PANX1: variants seen among roughly 807,000 people sequenced by gnomAD.
PANX1 encodes the protein pannexin 1.
PANX1 carries 30 observed loss-of-function variants against 38.7 expected under a neutral mutation model. That is an observed-to-expected ratio of 0.78 (90% confidence interval 0.58 to 1.05). PANX1 has a LOEUF of 1.05. PANX1 is among the 50% of genes least tolerant of loss of function. PANX1 has a pLI of 0.00. For missense variants in PANX1, 551 were observed against 517.2 expected, an observed-to-expected ratio of 1.07 and a Z score of -0.63; for synonymous variants, 230 against 212.2, an observed-to-expected ratio of 1.08 and a Z score of -0.73.
chr11:94,181,079 A>G lies in PANX1; in HGVS notation c.*210A>G. On this transcript the variant is annotated 3_prime_UTR_variant, in exon 5 of 5. Coordinates refer to ENST00000227638, the MANE Select transcript of PANX1 (RefSeq NM_015368.4). Reference sequence around the variant, plus strand: ...GAACTTCCCATAGGAAGCACCTGAGAGATAGTAAACTGCAGCAAGTAACTA... The same window carrying G: ...GAACTTCCCATAGGAAGCACCTGAGGGATAGTAAACTGCAGCAAGTAACTA... 1.8e-6 allele frequency: 1 copy of G among 554,258 alleles called. No individual in the cohort carries two copies. 34.3% of individuals were successfully genotyped at this position (554,258 alleles called of 1,614,324 possible). A position where few individuals can be genotyped will look rare whatever the true frequency, so the allele number is the denominator to read the frequency against.
chr11:94,156,203 A>AC (rs781633859), intron 2 of PANX1, among the ~76,000 whole-genome samples: 1 of 152,206 alleles, frequency 6.6e-6, no homozygotes, highest in Non-Finnish European at 1.5e-5. Flanking sequence ...CCAGTTACTG[A>AC]CCAACACATC....
chr11:94,158,463 C>T (rs1354482582), intron 2 of PANX1, among the ~76,000 whole-genome samples: 1 of 152,080 alleles, frequency 6.6e-6, no homozygotes, highest in Non-Finnish European at 1.5e-5. Context: ...AGGTCCTTCA[C>T]ATCCCTTGTA....
intron 1 of PANX1, among the ~76,000 whole-genome samples, chr11:94,139,444 C>T (rs1238806302): frequency 6.6e-6 from 1 of 152,154 alleles, no homozygotes; most frequent in Admixed American, 6.5e-5. Flanking sequence ...ACTATTGGAC[C>T]TTTTAAAATA....
intron 2 of PANX1, among the ~76,000 whole-genome samples, chr11:94,165,150 G>A (rs1252527732): frequency 6.6e-6 from 1 of 152,044 alleles, no homozygotes; most frequent in African/African-American, 2.4e-5. Context: ...CTTGATTGAA[G>A]AATTTAGTTC....
chr11:94,154,811 A>T (rs1487564732), intron 2 of PANX1, among the ~76,000 whole-genome samples: 1 of 152,258 alleles, frequency 6.6e-6, no homozygotes. Context: ...CAATTAACAC[A>T]TATTTTATAT....
intron 2 of PANX1, among the ~76,000 whole-genome samples, chr11:94,167,499 C>A (rs1947116161): frequency 6.6e-6 from 1 of 152,112 alleles, no homozygotes; most frequent in African/African-American, 2.4e-5. Context: ...ATATGATATT[C>A]AGCACTCACT....
chr11:94,150,833 C>A (rs570144966), intron 1 of PANX1, among the ~76,000 whole-genome samples: 1 of 152,246 alleles, frequency 6.6e-6, no homozygotes, highest in Admixed American at 6.5e-5. Flanking sequence ...AGGAAGCTGT[C>A]CCCTTCCTGG....
chr11:94,129,202 A>G lies in PANX1; in HGVS notation c.-111A>G. On this transcript the variant is annotated 5_prime_UTR_variant, in exon 1 of 5. Transcript: ENST00000227638. ...GGCAGGCGGGATGCGGGAGCAGGCA[A>G]AGGGAAAGCGAAAGCCGCGCGCCCG... 1 of 859,638 alleles carries G rather than the reference A, an allele frequency of 1.2e-6. No homozygotes were observed. Among genetic ancestry groups the G allele is most frequent in the South Asian group, 1.8e-5 (1 of 54,596 alleles). 53.3% of individuals were successfully genotyped at this position (859,638 alleles called of 1,614,324 possible).
chr11:94,177,918 T>A (rs1947253862), intron 2 of PANX1, among the ~76,000 whole-genome samples: 1 of 151,894 alleles, frequency 6.6e-6, no homozygotes, highest in Non-Finnish European at 1.5e-5. Flanking sequence ...GGAAGTTACA[T>A]GTTTCTTTGG....
rs1336064974 is a variant in PANX1 at position 94,180,902 on chromosome 11, T to C, written c.*33T>C. The C allele has an allele frequency of 2.5e-6, 3 of 1,223,358 alleles. No homozygotes were observed. Among genetic ancestry groups the C allele is most frequent in the East Asian group, 4.6e-5 (2 of 43,038 alleles). The allele number at this position is 1,223,358 out of a possible 1,614,324, so 75.8% of individuals were successfully genotyped here. ...TTTCCTTGAGCTGTAAATCTGTGAC[T>C]TCTGCGACATGGGATTTAATTTGGC... On this transcript the variant is annotated 3_prime_UTR_variant, in exon 5 of 5. Transcript: ENST00000227638.
At chr11:94,139,103 T>A (rs1011438352) in intron 1 of PANX1, among the ~76,000 whole-genome samples, 6 of 152,210 alleles carry the variant, frequency 3.9e-5, no homozygotes, top group African/African-American at 1.4e-4. Flanking sequence ...TCAACTCAAG[T>A]AAGTGAGCCT....
intron 1 of PANX1, among the ~76,000 whole-genome samples, chr11:94,144,626 T>G (rs151322842): frequency 4.5e-4 from 68 of 152,306 alleles, no homozygotes; most frequent in Non-Finnish European, 7.5e-4. Flanking sequence ...CTGGGGAGAT[T>G]GGTGCTGGCC....
At chr11:94,157,660 G>A (rs1320715329) in intron 2 of PANX1, among the ~76,000 whole-genome samples, 1 of 152,108 alleles carries the variant, frequency 6.6e-6, no homozygotes, top group Non-Finnish European at 1.5e-5. Context: ...TGAGTAGGTT[G>A]TGAAAATTTT....
intron 2 of PANX1, among the ~76,000 whole-genome samples, chr11:94,156,036 G>T (rs2134497359): frequency 6.7e-6 from 1 of 148,762 alleles, no homozygotes; most frequent in Non-Finnish European, 1.5e-5. Flanking sequence ...GAGTCACTGG[G>T]CTGCCTTTGA....
chr11:94,150,691 C>T (rs1325631560), intron 1 of PANX1, among the ~76,000 whole-genome samples: 1 of 152,154 alleles, frequency 6.6e-6, no homozygotes, highest in Non-Finnish European at 1.5e-5. Flanking sequence ...GCTCTTCACT[C>T]CCTATTTGTT....
At chr11:94,137,198 G>A (rs1332523626) in intron 1 of PANX1, among the ~76,000 whole-genome samples, 2 of 152,142 alleles carry the variant, frequency 1.3e-5, no homozygotes, top group Admixed American at 1.3e-4. Flanking sequence ...CAGCTACTTG[G>A]GAGGCTGAGA....
chr11:94,142,073 C>T (rs759305564), intron 1 of PANX1, among the ~76,000 whole-genome samples: 8 of 152,220 alleles, frequency 5.3e-5, no homozygotes, highest in Non-Finnish European at 1.0e-4. Context: ...TCAGGCACTG[C>T]TGTGTGCTCT....
intron 1 of PANX1, among the ~76,000 whole-genome samples, chr11:94,151,378 G>A (rs1946880979): frequency 6.6e-6 from 1 of 152,224 alleles, no homozygotes; most frequent in South Asian, 2.1e-4. Context: ...TAGAAAGAAT[G>A]TTAATAAATG....
intron 2 of PANX1, among the ~76,000 whole-genome samples, chr11:94,162,758 G>T (rs1474794917): frequency 6.6e-6 from 1 of 152,136 alleles, no homozygotes; most frequent in Non-Finnish European, 1.5e-5. Context: ...CCAGTGAGAT[G>T]AATCCGGTTC....
Sources: gnomAD v4.1 joint callset for allele counts (sites outside exome capture counted in the v4.1 genomes callset) on GRCh38, gnomAD v4.1.1 for gene constraint, MANE v1.5 for transcripts, NCBI Gene and HGNC (gene_info 2026-07-23, HGNC 2026-07-21) for gene names.